The following CCDC50 variants were observed in gnomAD, a reference collection of about 807,000 sequenced individuals.
CCDC50 encodes coiled-coil domain containing 50, also known as coiled-coil domain-containing protein 50.
CCDC50 carries 54 observed loss-of-function variants against 70.2 expected under a neutral mutation model. That is an observed-to-expected ratio of 0.77 (90% confidence interval 0.62 to 0.96). The LOEUF (loss-of-function observed/expected upper bound fraction) is 0.96, where lower values mean the gene tolerates loss of function less well. Ranked by LOEUF, CCDC50 falls within the 50% of genes least tolerant of loss-of-function variation. The pLI is 0.00. For missense variants in CCDC50, 558 were observed against 578.7 expected, an observed-to-expected ratio of 0.96 and a Z score of 0.37; for synonymous variants, 216 against 198.8, an observed-to-expected ratio of 1.09 and a Z score of -0.73.
At chr3:191,390,800 A>G (rs1313863954) in intron 11 of CCDC50, among the ~76,000 whole-genome samples, 1 of 152,100 alleles carries the variant, frequency 6.6e-6, no homozygotes, top group Admixed American at 6.5e-5. Context: ...TCATCCAGTG[A>G]CCTAGAATGC....
chr3:191,370,817 G>A (rs553217618), intron 5 of CCDC50, among the ~76,000 whole-genome samples: 1 of 152,190 alleles, frequency 6.6e-6, no homozygotes, highest in Non-Finnish European at 1.5e-5. Context: ...GACAACCAGA[G>A]CCACTTTCAT....
In CCDC50 at chr3:191,342,905, G is replaced by A. The variant is rs563312375; in HGVS notation, c.49+13182G>A. 9.2e-5 allele frequency among the ~76,000 whole-genome samples: 14 copies of A among 152,166 alleles called. No homozygotes were observed. The South Asian group carries it at 2.1e-3, about 23-fold the overall frequency. On this transcript the variant is annotated intron_variant, in intron 1 of 11. Transcript: ENST00000392455. ...TGACTATCAGTGGCCTGTTTTTTTC[G>A]TAGAATGTCTGACTACCTCCATGAG...
chr3:191,354,028 A>T (rs1053945509), intron 1 of CCDC50, among the ~76,000 whole-genome samples: 1 of 152,152 alleles, frequency 6.6e-6, no homozygotes, highest in Non-Finnish European at 1.5e-5. Flanking sequence ...CAATTCGGAA[A>T]TTTCTCACAC....
intron 4 of CCDC50, among the ~76,000 whole-genome samples, chr3:191,363,320 G>A (rs1221845884): frequency 1.3e-5 from 2 of 152,142 alleles, no homozygotes; most frequent in Admixed American, 6.5e-5. Flanking sequence ...TCTCCTGACT[G>A]CTTCTGACTT....
Position 191,380,294 on chromosome 3 carries a change from A to G in CCDC50, c.1092+20A>G. The G allele has an allele frequency of 6.7e-7, 1 of 1,490,708 alleles. No individual in the cohort carries two copies. The highest frequency in any genetic ancestry group is 9.4e-7 in the Non-Finnish European group (1 of 1,068,722). The allele number at this position is 1,490,708 out of a possible 1,614,324, so 92.3% of individuals were successfully genotyped here. ...CTTTTGGTGAGCAAATTTTAAGGCAAAAGTTTAGATATATTGATGGGTATT... is the reference window on the plus strand; with the variant it reads ...CTTTTGGTGAGCAAATTTTAAGGCAGAAGTTTAGATATATTGATGGGTATT... On this transcript the variant is annotated intron_variant, in intron 7 of 11. Coordinates refer to ENST00000392455, the MANE Select transcript of CCDC50 (RefSeq NM_178335.3).
intron 1 of CCDC50, among the ~76,000 whole-genome samples, chr3:191,343,488 A>T: frequency 6.6e-6 from 1 of 152,240 alleles, no homozygotes; most frequent in East Asian, 1.9e-4. Context: ...ATGTTTAATT[A>T]CGAAATTTTA....
At chr3:191,334,582 C>G (rs1449690012) in intron 1 of CCDC50, among the ~76,000 whole-genome samples, 1 of 152,056 alleles carries the variant, frequency 6.6e-6, no homozygotes, top group Admixed American at 6.5e-5. Flanking sequence ...GGCTAAGTAG[C>G]TAGGAATTGG....
chr3:191,330,946 A>G (rs915085729), intron 1 of CCDC50, among the ~76,000 whole-genome samples: 5 of 152,176 alleles, frequency 3.3e-5, no homozygotes, highest in African/African-American at 1.2e-4. Context: ...TTTTAGCGTT[A>G]ATACTTTTCT....
chr3:191,374,730 A>G (rs1201072175), intron 5 of CCDC50, among the ~76,000 whole-genome samples: 1 of 152,192 alleles, frequency 6.6e-6, no homozygotes, highest in African/African-American at 2.4e-5. Flanking sequence ...AAATTGGTTT[A>G]TAAATAGAAC....
At chr3:191,389,731 T>C (rs948733824) in intron 11 of CCDC50, 129 bp downstream of exon 11, 2 of 718,538 alleles carry the variant, frequency 2.8e-6, no homozygotes, top group South Asian at 3.1e-5. Flanking sequence ...CACATTGTTA[T>C]AGAACTCCTC....
intron 4 of CCDC50, among the ~76,000 whole-genome samples, chr3:191,364,625 T>C (rs2108654485): frequency 6.6e-6 from 1 of 152,190 alleles, no homozygotes; most frequent in East Asian, 1.9e-4. Context: ...CAACATTGTG[T>C]GTCAGATGTG....
intron 1 of CCDC50, among the ~76,000 whole-genome samples, chr3:191,329,948 G>GT (rs1166285974): frequency 1.4e-5 from 2 of 143,486 alleles, no homozygotes; most frequent in Non-Finnish European, 3.1e-5. Context: ...TGGTTGGGGG[G>GT]GGGGGGGGCT....
At chr3:191,374,300 A>G (rs1713012708) in intron 5 of CCDC50, among the ~76,000 whole-genome samples, 1 of 152,208 alleles carries the variant, frequency 6.6e-6, no homozygotes, top group Non-Finnish European at 1.5e-5. Flanking sequence ...ACAATATCAT[A>G]CAGTTTTTTG....
intron 6 of CCDC50, among the ~76,000 whole-genome samples, chr3:191,376,886 T>C (rs1413594910): frequency 6.6e-6 from 1 of 152,118 alleles, no homozygotes; most frequent in Non-Finnish European, 1.5e-5. Flanking sequence ...GGAGGAAGAA[T>C]GATGTACACT....
intron 4 of CCDC50, among the ~76,000 whole-genome samples, chr3:191,361,651 C>T (rs776184850): frequency 1.3e-5 from 2 of 152,186 alleles, no homozygotes; most frequent in Non-Finnish European, 2.9e-5. Flanking sequence ...GTCTTCTTGT[C>T]TTCCTGCAAG....
intron 1 of CCDC50, among the ~76,000 whole-genome samples, chr3:191,333,344 C>T (rs753867668): frequency 5.3e-5 from 8 of 152,230 alleles, no homozygotes; most frequent in Middle Eastern, 3.4e-3. Context: ...AAGTTAATGG[C>T]GTACATCCAG....
At position 191,384,216 on chromosome 3, in the gene CCDC50, G is replaced by A. The variant is rs1240816360; in HGVS notation, c.1322+1391G>A. Reference sequence around the variant, plus strand: ...ATGAATGAAAAGTGACTTAGGGCTAGTAGAATAGAAATTTTTGTTTTTACC... The same window carrying A: ...ATGAATGAAAAGTGACTTAGGGCTAATAGAATAGAAATTTTTGTTTTTACC... On this transcript the variant is annotated intron_variant, in intron 10 of 11. Transcript: ENST00000392455. Among the ~76,000 whole-genome samples the A allele has an allele frequency of 2.0e-5, 3 of 152,154 alleles. No homozygotes were observed. In the East Asian group the frequency reaches 5.8e-4, roughly 29 times the overall value.
chr3:191,357,911 T>A, intron 2 of CCDC50, 87 bp from the exon 3 acceptor site: 1 of 1,542,500 alleles, frequency 6.5e-7, no homozygotes, highest in Non-Finnish European at 9.0e-7. Context: ...AAGCTGTTGT[T>A]ATGGTAAAGC....
chr3:191,378,815 G>A (rs1163803478), intron 6 of CCDC50, among the ~76,000 whole-genome samples: 2 of 151,684 alleles, frequency 1.3e-5, no homozygotes, highest in Non-Finnish European at 2.9e-5. Context: ...ATAAGACTCC[G>A]TGGCTCTAGA....
Sources: gnomAD v4.1 joint callset for allele counts (sites outside exome capture counted in the v4.1 genomes callset) on GRCh38, gnomAD v4.1.1 for gene constraint, MANE v1.5 for transcripts, NCBI Gene and HGNC (gene_info 2026-07-23, HGNC 2026-07-21) for gene names.